Variants in CLIP1 observed in about 807,000 individuals in gnomAD.
CLIP1 encodes CAP-Gly domain-containing linker protein 1.
In CLIP1, 66 loss-of-function variants were observed where a neutral mutation model predicts 161.6. That is an observed-to-expected ratio of 0.41 (90% CI 0.33 to 0.50). The LOEUF (loss-of-function observed/expected upper bound fraction) is 0.50. CLIP1 is among the 20% of genes least tolerant of loss of function. The probability of loss-of-function intolerance (pLI) is 0.27; values close to 1 mark genes in which losing one functional copy is unlikely to be tolerated. For synonymous variants in CLIP1, 598 were observed against 626.2 expected, an observed-to-expected ratio of 0.96 and a Z score of 0.67; for missense variants, 1,376 against 1,702.0, an observed-to-expected ratio of 0.81 and a Z score of 3.37.
chr12:122,299,270 C>A (rs911617519), intron 20 of CLIP1, among the ~76,000 whole-genome samples: 3 of 152,066 alleles, frequency 2.0e-5, no homozygotes, highest in Non-Finnish European at 4.4e-5. Context: ...CTGTGCCAGG[C>A]AATGGCTTTC....
chr12:122,362,407 C>T (rs1268105446), intron 4 of CLIP1, among the ~76,000 whole-genome samples: 1 of 150,422 alleles, frequency 6.6e-6, no homozygotes, highest in South Asian at 2.1e-4. Context: ...CTTCCAGAGG[C>T]CAAGGTGGGC....
chr12:122,357,664 GC>G (rs1275317158), intron 5 of CLIP1, among the ~76,000 whole-genome samples: 7 of 143,530 alleles, frequency 4.9e-5, no homozygotes, highest in African/African-American at 1.8e-4. Flanking sequence ...TGCCCGGCCA[GC>G]CGCCCCGTCC....
chr12:122,421,460 G>A (rs1419215901), intron 1 of CLIP1, among the ~76,000 whole-genome samples: 15 of 152,056 alleles, frequency 9.9e-5, no homozygotes, highest in Non-Finnish European at 7.4e-5. Context: ...TGACAGCAGT[G>A]GCCACAGCAC....
chr12:122,296,586 T>C (rs1193991440), intron 20 of CLIP1, among the ~76,000 whole-genome samples: 1 of 152,140 alleles, frequency 6.6e-6, no homozygotes, highest in African/African-American at 2.4e-5. Flanking sequence ...TACAAATGTA[T>C]TATATTTCTA....
intron 1 of CLIP1, among the ~76,000 whole-genome samples, chr12:122,421,113 T>A (rs1373359966): frequency 6.7e-6 from 1 of 150,262 alleles, no homozygotes; most frequent in Non-Finnish European, 1.5e-5. Flanking sequence ...CTGGTCAAGT[T>A]ACTTGACCTT....
At chr12:122,412,563 G>A (rs1427302321) in intron 1 of CLIP1, among the ~76,000 whole-genome samples, 1 of 151,906 alleles carries the variant, frequency 6.6e-6, no homozygotes, top group Non-Finnish European at 1.5e-5. Context: ...GCTGAGGCAG[G>A]AGAATCATTT....
At chr12:122,309,491 T>C (rs1259405253) in intron 20 of CLIP1, among the ~76,000 whole-genome samples, 1 of 152,248 alleles carries the variant, frequency 6.6e-6, no homozygotes, top group East Asian at 1.9e-4. Context: ...AATGTTGAGC[T>C]ACAAGATTGT....
At chr12:122,378,323 G>A (rs1219288060) in intron 2 of CLIP1, among the ~76,000 whole-genome samples, 1 of 152,134 alleles carries the variant, frequency 6.6e-6, no homozygotes, top group African/African-American at 2.4e-5. Context: ...CTGACCTCAG[G>A]TGAACCTCCC....
At chr12:122,287,913 G>GT (rs377622318) in intron 21 of CLIP1, among the ~76,000 whole-genome samples, 2 of 152,166 alleles carry the variant, frequency 1.3e-5, no homozygotes, top group Non-Finnish European at 2.9e-5. Flanking sequence ...AAACTAGGAG[G>GT]TAACAGTGGT....
intron 5 of CLIP1, among the ~76,000 whole-genome samples, chr12:122,357,423 G>T (rs1389375997): frequency 6.6e-6 from 1 of 151,410 alleles, no homozygotes; most frequent in Non-Finnish European, 1.5e-5. Flanking sequence ...TCTGAGAAGT[G>T]AAGAGCCCCT....
chr12:122,321,018 T>TTTAAA (rs1951479754), intron 17 of CLIP1, among the ~76,000 whole-genome samples: 1 of 144,982 alleles, frequency 6.9e-6, no homozygotes, highest in Non-Finnish European at 1.5e-5. Context: ...AGACTCTGTC[T>TTTAAA]TAAATAAATA....
At chr12:122,388,714 G>A (rs61954425) in intron 1 of CLIP1, among the ~76,000 whole-genome samples, 19,806 of 152,018 alleles carry the variant, frequency 0.13, 1,667 homozygotes, top group East Asian at 0.45. Context: ...GACTACAGGC[G>A]TGTGCGACCA....
chr12:122,347,122 A>G (rs1952788368), intron 10 of CLIP1, among the ~76,000 whole-genome samples: 1 of 152,234 alleles, frequency 6.6e-6, no homozygotes, highest in Non-Finnish European at 1.5e-5. Flanking sequence ...CCATTCATTT[A>G]TTCAGTTGTA....
chr12:122,420,892 G>A (rs987652790), intron 1 of CLIP1, among the ~76,000 whole-genome samples: 3 of 151,742 alleles, frequency 2.0e-5, no homozygotes, highest in Non-Finnish European at 2.9e-5. Context: ...CTGAGATCAC[G>A]CCACTGCACT....
chr12:122,351,040 A>G, intron 9 of CLIP1, 71 bp downstream of exon 9: 1 of 1,161,180 alleles, frequency 8.6e-7, no homozygotes, highest in Non-Finnish European at 1.2e-6. Context: ...TGAGTATATC[A>G]ATAAGCATTT....
chr12:122,300,046 C>A (rs1708208777), intron 20 of CLIP1, among the ~76,000 whole-genome samples: 1 of 152,298 alleles, frequency 6.6e-6, no homozygotes, highest in South Asian at 2.1e-4. Flanking sequence ...TCGCTTGAGT[C>A]CAAGAGTTTG....
At chr12:122,326,348 C>T (rs1951711424) in intron 17 of CLIP1, among the ~76,000 whole-genome samples, 1 of 152,064 alleles carries the variant, frequency 6.6e-6, no homozygotes, top group African/African-American at 2.4e-5. Flanking sequence ...CCTTGTGAGA[C>T]TGGCCAGGAA....
chr12:122,403,884 A>T (rs958294237), intron 1 of CLIP1, among the ~76,000 whole-genome samples: 35 of 152,128 alleles, frequency 2.3e-4, no homozygotes, highest in African/African-American at 6.5e-4. Flanking sequence ...TCCGAATAAG[A>T]TACAGAACAC....
At chr12:122,316,496 C>A (rs927260310) in intron 19 of CLIP1, among the ~76,000 whole-genome samples, 25 of 152,268 alleles carry the variant, frequency 1.6e-4, no homozygotes, top group African/African-American at 5.5e-4. Context: ...GCACGTGCCA[C>A]CACACCCACC....
Sources: gnomAD v4.1 joint callset for allele counts (sites outside exome capture counted in the v4.1 genomes callset) on GRCh38, gnomAD v4.1.1 for gene constraint, MANE v1.5 for transcripts, NCBI Gene and HGNC (gene_info 2026-07-23, HGNC 2026-07-21) for gene names.